The following ANO2 variants were observed in gnomAD, a reference collection of about 807,000 sequenced individuals.
The protein encoded by ANO2 is anoctamin-2.
ANO2 carries 101 observed loss-of-function variants against 124.2 expected under a neutral mutation model. That is an observed-to-expected ratio of 0.81 (90% CI 0.69 to 0.96). The LOEUF is 0.96. Among genes scored for constraint, ANO2 ranks in the 40% least tolerant of loss-of-function variants. ANO2 has a pLI of 0.00. For missense variants in ANO2, 1,293 were observed against 1,274.5 expected, an observed-to-expected ratio of 1.01 and a Z score of -0.22; for synonymous variants, 486 against 482.5, an observed-to-expected ratio of 1.01 and a Z score of -0.09.
chr12:5,700,930 C>T (rs1247064324), intron 14 of ANO2, among the ~76,000 whole-genome samples: 4 of 152,076 alleles, frequency 2.6e-5, no homozygotes, highest in Admixed American at 6.6e-5. Flanking sequence ...CTTTGCTCCT[C>T]GTTTTTCTTC....
intron 12 of ANO2, 21 bp from the exon 13 acceptor site, chr12:5,739,420 C>T (rs1951005069): frequency 6.4e-7 from 1 of 1,571,756 alleles, no homozygotes; most frequent in South Asian, 1.2e-5. Flanking sequence ...ACAACAAGAA[C>T]AAAAACCTTG....
intron 4 of ANO2, among the ~76,000 whole-genome samples, chr12:5,843,187 G>A (rs894071597): frequency 5.9e-5 from 9 of 152,184 alleles, no homozygotes; most frequent in African/African-American, 2.2e-4. Context: ...TGTCCAGAAA[G>A]TCATGTTGAA....
At chr12:5,713,147 G>C (rs1404558471) in intron 14 of ANO2, among the ~76,000 whole-genome samples, 1 of 152,152 alleles carries the variant, frequency 6.6e-6, no homozygotes, top group Admixed American at 6.5e-5. Context: ...TGGTGATGAG[G>C]CCCTGAACTC....
At chr12:5,875,025 C>T (rs972674007) in intron 3 of ANO2, among the ~76,000 whole-genome samples, 1 of 152,194 alleles carries the variant, frequency 6.6e-6, no homozygotes, top group Non-Finnish European at 1.5e-5. Context: ...TTTGCTAACT[C>T]CTGCTCTAGG....
chr12:5,866,327 A>G (rs1193500030), intron 3 of ANO2, among the ~76,000 whole-genome samples: 1 of 152,230 alleles, frequency 6.6e-6, no homozygotes, highest in African/African-American at 2.4e-5. Flanking sequence ...ATGGTTGAGC[A>G]GAAAGATAGA....
chr12:5,690,075 CCA>C (rs1286244911), intron 14 of ANO2, among the ~76,000 whole-genome samples: 1 of 152,160 alleles, frequency 6.6e-6, no homozygotes, highest in East Asian at 1.9e-4. Flanking sequence ...AGTCAATTCT[CCA>C]GTGATTCAAG....
At chr12:5,672,808 T>C (rs1948076522) in intron 14 of ANO2, among the ~76,000 whole-genome samples, 1 of 152,224 alleles carries the variant, frequency 6.6e-6, no homozygotes, top group Non-Finnish European at 1.5e-5. Context: ...GAAAAAAAAT[T>C]AATGATTAGG....
intron 3 of ANO2, among the ~76,000 whole-genome samples, chr12:5,870,630 TCA>T (rs1333799779): frequency 6.6e-6 from 1 of 152,070 alleles, no homozygotes; most frequent in Admixed American, 6.5e-5. Context: ...GAACACAGAG[TCA>T]CAGAGATTTC....
At chr12:5,938,434 C>T (rs1942748396) in intron 1 of ANO2, among the ~76,000 whole-genome samples, 1 of 152,196 alleles carries the variant, frequency 6.6e-6, no homozygotes, top group East Asian at 1.9e-4. Flanking sequence ...ATGTCTATCC[C>T]AGGACCAGTT....
intron 1 of ANO2, among the ~76,000 whole-genome samples, chr12:5,940,481 A>G (rs985620584): frequency 1.3e-5 from 2 of 152,196 alleles, no homozygotes; most frequent in African/African-American, 2.4e-5. Flanking sequence ...AGGAAGCCTA[A>G]GCATGCTTGG....
intron 14 of ANO2, among the ~76,000 whole-genome samples, chr12:5,721,260 C>A (rs947979723): frequency 6.6e-6 from 1 of 152,126 alleles, no homozygotes; most frequent in Non-Finnish European, 1.5e-5. Context: ...CACACTGGGG[C>A]AGATGCACTG....
At chr12:5,799,439 G>T (rs1952970810) in intron 10 of ANO2, 68 bp downstream of exon 10, 3 of 1,354,196 alleles carry the variant, frequency 2.2e-6, no homozygotes, top group African/African-American at 1.4e-5. Flanking sequence ...AGAGTCAAAA[G>T]GTTTATGATA....
chr12:5,603,545 T>C (rs1357550873), intron 19 of ANO2, among the ~76,000 whole-genome samples: 1 of 152,194 alleles, frequency 6.6e-6, no homozygotes, highest in Non-Finnish European at 1.5e-5. Flanking sequence ...AAAGAGGTTA[T>C]TCTAGGCAGG....
chr12:5,849,457 G>A (rs766172329), intron 4 of ANO2, among the ~76,000 whole-genome samples: 6 of 152,224 alleles, frequency 3.9e-5, no homozygotes, highest in Admixed American at 6.5e-5. Context: ...GCAGACGTAA[G>A]AAAGCACCTG....
chr12:5,566,197 A>T (rs541096007), intron 23 of ANO2, among the ~76,000 whole-genome samples: 7 of 152,342 alleles, frequency 4.6e-5, no homozygotes, highest in African/African-American at 1.7e-4. Flanking sequence ...AACCAAAAAG[A>T]AGGCTGATCC....
intron 10 of ANO2, among the ~76,000 whole-genome samples, chr12:5,760,330 A>T (rs905816837): frequency 7.9e-5 from 12 of 152,218 alleles, no homozygotes; most frequent in African/African-American, 2.9e-4. Flanking sequence ...CCAAGGAGCA[A>T]TATATTTCAT....
chr12:5,933,017 T>G (rs1266106006), intron 1 of ANO2, among the ~76,000 whole-genome samples: 1 of 152,170 alleles, frequency 6.6e-6, no homozygotes, highest in African/African-American at 2.4e-5. Context: ...ATTATGGCCC[T>G]CCTGAGAGCA....
chr12:5,847,763 A>T (rs550101290), intron 4 of ANO2, among the ~76,000 whole-genome samples: 1 of 152,336 alleles, frequency 6.6e-6, no homozygotes, highest in Non-Finnish European at 1.5e-5. Flanking sequence ...CTAAAATGCC[A>T]AGTTTCTTTG....
chr12:5,704,930 A>C (rs1949546342), intron 14 of ANO2, among the ~76,000 whole-genome samples: 1 of 152,342 alleles, frequency 6.6e-6, no homozygotes, highest in African/African-American at 2.4e-5. Context: ...TACTTTAAGT[A>C]ATTAAAACTG....
Sources: gnomAD v4.1 joint callset for allele counts (sites outside exome capture counted in the v4.1 genomes callset) on GRCh38, gnomAD v4.1.1 for gene constraint, MANE v1.5 for transcripts, NCBI Gene and HGNC (gene_info 2026-07-23, HGNC 2026-07-21) for gene names.